The following WDR26 variants were observed in gnomAD, a reference collection of about 807,000 sequenced individuals.
WDR26 encodes WD repeat domain 26, also known as WD repeat-containing protein 26.
In WDR26, 5 loss-of-function variants were observed where a neutral mutation model predicts 84.1. The observed-to-expected ratio is 0.06, with a 90% CI of 0.03 to 0.13. The LOEUF is 0.13. Among genes scored for constraint, WDR26 ranks in the 10% least tolerant of loss-of-function variants. WDR26 has a pLI of 1.00. For missense variants in WDR26, 642 were observed against 974.9 expected, an observed-to-expected ratio of 0.66 and a Z score of 4.55; for synonymous variants, 415 against 389.6, an observed-to-expected ratio of 1.07 and a Z score of -0.77.
intron 3 of WDR26, among the ~76,000 whole-genome samples, chr1:224,427,013 G>T (rs1229324679): frequency 6.8e-6 from 1 of 146,154 alleles, no homozygotes; most frequent in Admixed American, 6.9e-5. Context: ...TGAGGCAGGA[G>T]AATCGATTGA....
rs1482944978 is a variant in WDR26 at position 224,418,436 on chromosome 1, A to G, written c.1163-20T>C. ...AATAGGCTTTAATAGAAGATATTTT[A>G]AAAAAGAGAAATAATAATAAACTGT... is the stretch of plus-strand genomic sequence containing the variant. On this transcript the variant is annotated intron_variant, in intron 5 of 13. Transcript: ENST00000414423. 1 of 1,571,618 alleles carries G rather than the reference A, an allele frequency of 6.4e-7. No homozygotes were observed. The highest frequency in any genetic ancestry group is 1.4e-5 in the African/African-American group (1 of 71,916).
chr1:224,401,702 G>GAAAAAAAAAAAAAAAAAAAAAAA (rs5781368), intron 8 of WDR26, among the ~76,000 whole-genome samples: 9 of 97,752 alleles, frequency 9.2e-5, no homozygotes, highest in South Asian at 3.3e-4. Context: ...AAAAAAAAAA[G>GAAAAAAAAAAAAAAAAAAAAAAA]AAAAAAGAAA....
At chr1:224,401,881 C>T (rs986006294) in intron 8 of WDR26, 1 of 151,940 alleles carries the variant, frequency 6.6e-6, no homozygotes, top group South Asian at 2.1e-4. Context: ...AAAGAGGAAC[C>T]TGTGTACTGT....
At chr1:224,419,884 C>A (rs75375324) in intron 4 of WDR26, among the ~76,000 whole-genome samples, 4 of 151,978 alleles carry the variant, frequency 2.6e-5, no homozygotes, top group Admixed American at 1.3e-4. Context: ...TGTGCAGGTT[C>A]TAGCACTCAA....
At position 224,434,043 on chromosome 1, in the gene WDR26, C is replaced by CCCTCCTCCTCCACCGCCGCCGCCGCCA. The variant is rs779854217; in HGVS notation, c.336_362dup (p.Gly117_Gly125dup). 8.2e-6 allele frequency: 12 copies of CCCTCCTCCTCCACCGCCGCCGCCGCCA among 1,456,980 alleles called. No homozygotes were observed. Among genetic ancestry groups the CCCTCCTCCTCCACCGCCGCCGCCGCCA allele is most frequent in the Non-Finnish European group, 1.1e-5 (12 of 1,109,694 alleles). 90.3% of individuals were successfully genotyped at this position (1,456,980 alleles called of 1,614,324 possible). ...GGGTCTGTCCCTGGCCCCCGCCGCC[C>CCCTCCTCCTCCACCGCCGCCGCCGCCA]CCTCCTCCTCCACCGCCGCCGCCGC... On this transcript the variant is annotated inframe_insertion, in exon 1 of 14. Transcript: ENST00000414423.
rs180877298 is a variant in WDR26, at chr1:224,413,179, A to G, written c.1320-1614T>C. On this transcript the variant is annotated intron_variant, in intron 6 of 13. Transcript: ENST00000414423. Reference sequence around the variant, plus strand: ...ACTCCAGCCTGGGTGACAGAGTGAGATAGTCTCAAACAACAACAACAACAA... The same window carrying G: ...ACTCCAGCCTGGGTGACAGAGTGAGGTAGTCTCAAACAACAACAACAACAA... 2.2e-5 allele frequency: 14 copies of G among 649,882 alleles called. No individual in the cohort carries two copies. In the African/African-American group the frequency reaches 2.5e-4, roughly 12 times the overall value. The allele number at this position is 649,882 out of a possible 1,614,324, so 40.3% of individuals were successfully genotyped here. A position where few individuals can be genotyped will look rare whatever the true frequency, so the allele number is the denominator to read the frequency against.
At position 224,418,310 on chromosome 1, in the gene WDR26, A is replaced by T; in HGVS notation, c.1269T>A (p.Leu423=). Residue 423 remains leucine, a synonymous_variant, in exon 6 of 14, where the codon CTT becomes CTA. Transcript: ENST00000414423. ...GAGACACAGAATCTAGATTATTATC[A>T]AGTTTGGTATTGTGATATAGGCACC... is the stretch of plus-strand genomic sequence containing the variant. 6.2e-7 allele frequency: 1 copy of T among 1,613,568 alleles called. No homozygotes were observed. The highest frequency in any genetic ancestry group is 8.5e-7 in the Non-Finnish European group (1 of 1,179,706).
In WDR26 at chr1:224,387,812, T is replaced by C. The variant is rs1359817530; in HGVS notation, c.*2023A>G. 2 of 152,626 alleles carry C rather than the reference T, an allele frequency of 1.3e-5. No individual in the cohort carries two copies. The highest frequency in any genetic ancestry group is 2.9e-5 in the Non-Finnish European group (2 of 68,028). The allele number at this position is 152,626 out of a possible 1,614,324, so 9.5% of individuals were successfully genotyped here. On this transcript the variant is annotated 3_prime_UTR_variant, in exon 14 of 14. Transcript: ENST00000414423. The stretch of plus-strand genomic sequence containing the variant: ...AAATATGAATGGTTTTTAACTATAC[T>C]GAGGTAAAGAGAAGTTGCCACTTAA...
Position 224,419,549 on chromosome 1 carries a change from A to G in WDR26, c.1131T>C (p.Ala377=), listed in dbSNP as rs761361824. ...GTTTATCCAATAGTTTAGATCGGGA[A>G]GCTGTCCCTTTGCCTTCCCATTCTG... The change falls in exon 5 of 14, where the codon GCT becomes GCC. Residue 377 remains alanine (A), a synonymous_variant. Coordinates refer to ENST00000414423, the MANE Select transcript of WDR26 (RefSeq NM_001379403.1). 3.1e-6 allele frequency: 5 copies of G among 1,613,986 alleles called. No homozygotes were observed. The highest frequency in any genetic ancestry group is 1.1e-5 in the South Asian group (1 of 91,088).
At chr1:224,390,643 T>C (rs1673099243) in intron 13 of WDR26, among the ~76,000 whole-genome samples, 1 of 152,208 alleles carries the variant, frequency 6.6e-6, no homozygotes, top group South Asian at 2.1e-4. Flanking sequence ...AGCTTTGAGA[T>C]ATAATTCATA....
At chr1:224,404,940 G>A (rs1224914238) in intron 7 of WDR26, among the ~76,000 whole-genome samples, 1 of 152,176 alleles carries the variant, frequency 6.6e-6, no homozygotes, top group Non-Finnish European at 1.5e-5. Flanking sequence ...AACAACTTGA[G>A]ATATAACTTA....
At chr1:224,422,818 C>T (rs1674103087) in intron 4 of WDR26, among the ~76,000 whole-genome samples, 1 of 151,752 alleles carries the variant, frequency 6.6e-6, no homozygotes, top group Non-Finnish European at 1.5e-5. Context: ...AGGCTAGAAA[C>T]TGTGGAGATT....
intron 6 of WDR26, among the ~76,000 whole-genome samples, chr1:224,417,175 C>T (rs944332527): frequency 2.6e-5 from 4 of 152,148 alleles, no homozygotes; most frequent in African/African-American, 9.7e-5. Context: ...CATATATAGA[C>T]AATTTTTACG....
chr1:224,409,657 A>G (rs1458815781), intron 7 of WDR26, among the ~76,000 whole-genome samples: 1 of 151,762 alleles, frequency 6.6e-6, no homozygotes, highest in African/African-American at 2.4e-5. Context: ...GGTCAGGAAT[A>G]TGATACCAGC....
intron 4 of WDR26, among the ~76,000 whole-genome samples, chr1:224,421,870 A>T (rs558245839): frequency 7.9e-5 from 12 of 152,238 alleles, no homozygotes; most frequent in East Asian, 7.7e-4. Context: ...CTGCTTTCTG[A>T]ATTATTAGCT....
At chr1:224,394,593 C>T (rs932669371) in intron 12 of WDR26, among the ~76,000 whole-genome samples, 1 of 139,112 alleles carries the variant, frequency 7.2e-6, no homozygotes, top group East Asian at 1.9e-4. Context: ...CAACCTCCAC[C>T]TCCCGGGTTC....
chr1:224,428,744 A>C (rs950436528), intron 3 of WDR26, among the ~76,000 whole-genome samples: 21 of 147,418 alleles, frequency 1.4e-4, no homozygotes, highest in Non-Finnish European at 3.0e-4. Context: ...TAAAAATACA[A>C]AAAAAAAAAA....
Position 224,431,535 on chromosome 1 carries a change from T to C in WDR26, c.869A>G (p.His290Arg), listed in dbSNP as rs1033546569. The change falls in exon 3 of 14, where the codon CAT (histidine) becomes CGT (arginine). Residue 290 changes from histidine to arginine, a missense_variant. Transcript: ENST00000414423. ...AAGTGCGCCTCTTACCACAATAGCA[T>C]GAGGAGAATGCACTAAAGGCTTTAG... 3 of 1,613,958 alleles carry C rather than the reference T, an allele frequency of 1.9e-6. No individual in the cohort carries two copies. The highest frequency in any genetic ancestry group is 1.3e-5 in the African/African-American group (1 of 74,912).
intron 3 of WDR26, chr1:224,429,656 C>T (rs1674329201): frequency 6.6e-6 from 1 of 152,116 alleles, no homozygotes; most frequent in African/African-American, 2.4e-5. Context: ...AATACCTAAA[C>T]AGTTTGATGG....
Sources: gnomAD v4.1 joint callset for allele counts (sites outside exome capture counted in the v4.1 genomes callset) on GRCh38, gnomAD v4.1.1 for gene constraint, MANE v1.5 for transcripts, NCBI Gene and HGNC (gene_info 2026-07-23, HGNC 2026-07-21) for gene names.